The following HECW2 variants were observed in gnomAD, a reference collection of about 807,000 sequenced individuals.
HECW2 encodes E3 ubiquitin-protein ligase HECW2.
A neutral mutation model predicts 175.2 loss-of-function variants in HECW2; 61 were observed. The ratio of observed to expected loss-of-function variants is 0.35; its 90% CI spans 0.28 to 0.43. The LOEUF is 0.43. Among genes scored for constraint, HECW2 ranks in the 20% least tolerant of loss-of-function variants. The pLI is 1.00. For missense variants in HECW2, 1,524 were observed against 2,000.5 expected (o/e 0.76, Z 4.54); for synonymous variants, 671 against 731.0 (o/e 0.92, Z 1.32).
At chr2:196,425,853 T>C (rs1695532112) in intron 2 of HECW2, among the ~76,000 whole-genome samples, 2 of 152,184 alleles carry the variant, frequency 1.3e-5, no homozygotes, top group Non-Finnish European at 2.9e-5. Flanking sequence ...TTTGAAAAGA[T>C]TGACTCCAAT....
At chr2:196,308,441 G>C (rs763753322) in intron 10 of HECW2, among the ~76,000 whole-genome samples, 2 of 152,120 alleles carry the variant, frequency 1.3e-5, no homozygotes, top group South Asian at 4.1e-4. Flanking sequence ...GGGTATTGAT[G>C]TTTATTTTCA....
At chr2:196,380,758 A>G (rs1694186506) in intron 2 of HECW2, among the ~76,000 whole-genome samples, 1 of 152,118 alleles carries the variant, frequency 6.6e-6, no homozygotes, top group Non-Finnish European at 1.5e-5. Context: ...CATGACTACC[A>G]TGGTTGCAGA....
intron 1 of HECW2, among the ~76,000 whole-genome samples, chr2:196,581,657 G>A (rs1441785661): frequency 6.6e-6 from 1 of 152,156 alleles, no homozygotes; most frequent in African/African-American, 2.4e-5. Context: ...TTAGGAAAAT[G>A]AACACCTACA....
At chr2:196,368,194 A>G (rs1693802218) in intron 2 of HECW2, among the ~76,000 whole-genome samples, 1 of 152,154 alleles carries the variant, frequency 6.6e-6, no homozygotes, top group Non-Finnish European at 1.5e-5. Context: ...AGGAACTTCC[A>G]AACTGTTTTC....
chr2:196,579,100 T>C (rs1177950666), intron 1 of HECW2, among the ~76,000 whole-genome samples: 1 of 152,176 alleles, frequency 6.6e-6, no homozygotes, highest in African/African-American at 2.4e-5. Flanking sequence ...TGAAGTTTTA[T>C]ATACTTCTGA....
intron 1 of HECW2, among the ~76,000 whole-genome samples, chr2:196,586,299 C>G (rs760140385): frequency 1.3e-5 from 2 of 152,170 alleles, no homozygotes; most frequent in Non-Finnish European, 2.9e-5. Context: ...CAGTTCACCA[C>G]GGGCTAAGCA....
chr2:196,307,193 C>T lies in HECW2; in HGVS notation c.2626G>A (p.Glu876Lys). ...CCATCAATAGCATTGGTATTTTCCT[C>T]AGGCCTCTCATTGGTCATGGTTCTG... is the stretch of plus-strand genomic sequence containing the variant. ...IRRTMTNERP[E>K]ENTNAIDGAG... Residue 876 changes from glutamate (E) to lysine (K), a missense_variant, in exon 12 of 29, where the codon GAG becomes AAG. Around this residue, in one of 11 missense-constraint regions of HECW2, gnomAD observed 105 missense variants for 98.1 expected, o/e 1.07. Coordinates refer to ENST00000644978, the MANE Select transcript of HECW2 (RefSeq NM_001348768.2). 1 of 1,613,988 alleles carries T rather than the reference C, an allele frequency of 6.2e-7. No homozygotes were observed.
chr2:196,507,222 A>T (rs919731102), intron 1 of HECW2, among the ~76,000 whole-genome samples: 69 of 152,270 alleles, frequency 4.5e-4, no homozygotes, highest in African/African-American at 1.6e-3. Flanking sequence ...ATATGTGTAT[A>T]TTACACACAT....
intron 17 of HECW2, chr2:196,269,631 T>C (rs1689654713): frequency 6.6e-6 from 1 of 152,050 alleles, no homozygotes; most frequent in Non-Finnish European, 1.5e-5. Flanking sequence ...ATTCTAGATA[T>C]TTGAACAGTA....
At position 196,586,886 on chromosome 2, in the gene HECW2, A is replaced by G. The variant is rs1005290805; in HGVS notation, c.-36+6622T>C. ...GACATCGGTGGTTTCATCCAACCAT[A>G]AAGTGAAATATCTGCTAGCGTGCAC... On this transcript the variant is annotated intron_variant, in intron 1 of 28. Coordinates refer to ENST00000644978, the MANE Select transcript of HECW2 (RefSeq NM_001348768.2). Among the ~76,000 whole-genome samples, 98 of 152,204 alleles carry G rather than the reference A, an allele frequency of 6.4e-4. 4 individuals carry two copies. Among genetic ancestry groups the G allele is most frequent in the Non-Finnish European group, 1.2e-4 (8 of 68,036 alleles).
At chr2:196,277,527 G>A (rs1386114918) in intron 15 of HECW2, among the ~76,000 whole-genome samples, 1 of 152,104 alleles carries the variant, frequency 6.6e-6, no homozygotes, top group Non-Finnish European at 1.5e-5. Context: ...CACTGTTGGT[G>A]GGACTGTAAA....
chr2:196,519,555 T>C (rs974064878), intron 1 of HECW2, among the ~76,000 whole-genome samples: 2 of 152,178 alleles, frequency 1.3e-5, no homozygotes, highest in African/African-American at 2.4e-5. Context: ...AAAAAAAATT[T>C]TGTTCTTGCC....
chr2:196,209,817 G>T (rs550272586), intron 28 of HECW2, among the ~76,000 whole-genome samples: 1 of 149,696 alleles, frequency 6.7e-6, no homozygotes, highest in Non-Finnish European at 1.5e-5. Flanking sequence ...AGGCTGGAGC[G>T]CAGTGGTGCG....
At chr2:196,482,316 C>T (rs932554650) in intron 1 of HECW2, among the ~76,000 whole-genome samples, 1 of 152,232 alleles carries the variant, frequency 6.6e-6, no homozygotes, top group Non-Finnish European at 1.5e-5. Flanking sequence ...CCAGAGGTGG[C>T]GGGCCTGAGC....
intron 1 of HECW2, among the ~76,000 whole-genome samples, chr2:196,589,789 C>G (rs1419314411): frequency 6.6e-6 from 1 of 152,220 alleles, no homozygotes; most frequent in Non-Finnish European, 1.5e-5. Context: ...AAACTGCTCT[C>G]CCAAATCAAA....
rs1206569751 is a variant in HECW2 at position 196,319,539 on chromosome 2, AACT to A, written c.1348_1350del (p.Ser450del). The A allele has an allele frequency of 3.1e-6, 5 of 1,614,176 alleles. No homozygotes were observed. The highest frequency in any genetic ancestry group is 4.2e-6 in the Non-Finnish European group (5 of 1,180,022). On this transcript the variant is annotated inframe_deletion, in exon 9 of 29. Transcript: ENST00000644978. ...GCATTGAGTCTTGTGTCAGTGGGAA[AACT>A]ACTCCTCAGTTTCGGAGAGGCACCC...
chr2:196,507,502 G>A (rs1687809749), intron 1 of HECW2, among the ~76,000 whole-genome samples: 1 of 152,166 alleles, frequency 6.6e-6, no homozygotes, highest in African/African-American at 2.4e-5. Context: ...TAGAGGCCAG[G>A]GGTGCTGCTA....
intron 14 of HECW2, chr2:196,288,715 T>C (rs1353622457): frequency 1.3e-5 from 2 of 152,254 alleles, no homozygotes; most frequent in African/African-American, 2.4e-5. Flanking sequence ...CTTCTACCTC[T>C]AAATTTCAGT....
At chr2:196,421,820 G>A (rs978760116) in intron 2 of HECW2, among the ~76,000 whole-genome samples, 19 of 152,180 alleles carry the variant, frequency 1.2e-4, no homozygotes, top group East Asian at 7.7e-4. Context: ...ATCAAGTATC[G>A]CTTGCAGTCA....
Sources: allele counts gnomAD v4.1 joint callset (sites outside exome capture counted in the v4.1 genomes callset), GRCh38; gene constraint gnomAD v4.1.1; regional missense constraint gnomAD v4.1.1; transcripts MANE v1.5; gene names NCBI Gene and HGNC (gene_info 2026-07-23, HGNC 2026-07-21).